The following ITGA1 variants were observed in gnomAD, a reference collection of about 807,000 sequenced individuals.
The protein encoded by ITGA1 is integrin alpha-1.
Under a neutral mutation model 145.9 loss-of-function variants are expected in ITGA1, and 85 were observed. That is an observed-to-expected ratio of 0.58 (90% CI 0.49 to 0.70). ITGA1 has a LOEUF of 0.70. Ranked by LOEUF, ITGA1 falls within the 30% of genes least tolerant of loss-of-function variation. ITGA1 has a pLI of 0.00. For synonymous variants in ITGA1, 520 were observed against 495.3 expected (o/e 1.05, Z -0.66); for missense variants, 1,351 against 1,418.7 (o/e 0.95, Z 0.77).
At chr5:52,912,913 ATT>A (rs1245196750) in intron 14 of ITGA1, among the ~76,000 whole-genome samples, 1 of 151,636 alleles carries the variant, frequency 6.6e-6, no homozygotes, top group Non-Finnish European at 1.5e-5. Flanking sequence ...CGCCCGGCTA[ATT>A]TTTTGCATTT....
chr5:52,851,631 C>T (rs928289163), intron 2 of ITGA1, among the ~76,000 whole-genome samples: 4 of 152,108 alleles, frequency 2.6e-5, no homozygotes, highest in Admixed American at 6.6e-5. Flanking sequence ...GTTGCAAGAA[C>T]GATGTTGCTA....
intron 1 of ITGA1, among the ~76,000 whole-genome samples, chr5:52,813,582 G>C (rs750511288): frequency 6.6e-6 from 1 of 152,220 alleles, no homozygotes; most frequent in Non-Finnish European, 1.5e-5. Context: ...AGGCAATGCA[G>C]CTGATGGAAT....
intron 6 of ITGA1, among the ~76,000 whole-genome samples, chr5:52,869,322 A>G (rs909339725): frequency 7.9e-5 from 12 of 152,038 alleles, no homozygotes; most frequent in African/African-American, 2.9e-4. Context: ...TACCATGCCC[A>G]ACTAATTTTT....
chr5:52,825,921 A>G (rs1021087137), intron 1 of ITGA1, among the ~76,000 whole-genome samples: 2 of 34,832 alleles, frequency 5.7e-5, no homozygotes, highest in Non-Finnish European at 1.3e-4. Context: ...CTGTCAAAGA[A>G]AAAAAAAAAA....
rs553166896 is a variant in ITGA1 at position 52,952,115 on chromosome 5, G to A, written c.3496-292G>A. 5.3e-5 allele frequency among the ~76,000 whole-genome samples: 8 copies of A among 151,804 alleles called. No individual in the cohort carries two copies. In the South Asian group the frequency reaches 6.2e-4, roughly 12 times the overall value. ...TGAGGCAGGAGAATCACTTGAACCC[G>A]GGTGGCGGAGGTTGCAGTGAGCGGA... On this transcript the variant is annotated intron_variant, in intron 28 of 28. Transcript: ENST00000282588.
intron 14 of ITGA1, among the ~76,000 whole-genome samples, chr5:52,914,788 G>A (rs576066013): frequency 7.9e-5 from 12 of 152,246 alleles, no homozygotes; most frequent in African/African-American, 2.9e-4. Flanking sequence ...TCTGTTAAAA[G>A]CATTAGCTTA....
rs146515244 is a variant in ITGA1, at chr5:52,812,268, G to A, written c.61+23854G>A. ...AATTAGTACCAAAACCGATCAATTT[G>A]TGAATATTTATTGATGCCATTTACA... On this transcript the variant is annotated intron_variant, in intron 1 of 28. Coordinates refer to ENST00000282588, the MANE Select transcript of ITGA1 (RefSeq NM_181501.2). Among the ~76,000 whole-genome samples the A allele has an allele frequency of 4.0e-4, 61 of 152,224 alleles. 2 individuals carry two copies. The East Asian group carries it at 8.7e-3, about 22-fold the overall frequency.
At chr5:52,927,725 C>A in intron 20 of ITGA1, 61 bp downstream of exon 20, 1 of 1,066,696 alleles carries the variant, frequency 9.4e-7, no homozygotes, top group Non-Finnish European at 1.4e-6. Flanking sequence ...TGTGCAAAGA[C>A]AAATATATAA....
At chr5:52,886,937 C>G (rs1378990328) in intron 7 of ITGA1, among the ~76,000 whole-genome samples, 1 of 152,144 alleles carries the variant, frequency 6.6e-6, no homozygotes, top group Non-Finnish European at 1.5e-5. Context: ...CGCCACCGCA[C>G]CCGGCTAATT....
intron 1 of ITGA1, among the ~76,000 whole-genome samples, chr5:52,841,142 T>A (rs1416698294): frequency 6.6e-6 from 1 of 152,256 alleles, no homozygotes; most frequent in African/African-American, 2.4e-5. Flanking sequence ...GAGGTAGGTA[T>A]CTTGCTGACA....
intron 1 of ITGA1, among the ~76,000 whole-genome samples, chr5:52,820,710 C>CT (rs1481179344): frequency 1.3e-5 from 2 of 152,060 alleles, no homozygotes; most frequent in Admixed American, 1.3e-4. Flanking sequence ...TTGGTGAGCC[C>CT]TAACTGCCGC....
At chr5:52,889,689 C>T (rs1232703648) in intron 8 of ITGA1, 3 of 152,320 alleles carry the variant, frequency 2.0e-5, no homozygotes, top group African/African-American at 7.2e-5. Flanking sequence ...ACTATCCTCC[C>T]AGGCCACAGT....
intron 1 of ITGA1, among the ~76,000 whole-genome samples, chr5:52,830,076 G>A (rs1285534950): frequency 6.6e-6 from 1 of 152,088 alleles, no homozygotes; most frequent in African/African-American, 2.4e-5. Context: ...TGATTCAATA[G>A]ATTAAAAGTT....
At chr5:52,855,542 A>G (rs992043243) in intron 2 of ITGA1, among the ~76,000 whole-genome samples, 1 of 152,158 alleles carries the variant, frequency 6.6e-6, no homozygotes. Flanking sequence ...AGAAAAACCA[A>G]TCCCTACTAT....
chr5:52,948,753 A>T (rs1751171532), intron 28 of ITGA1: 1 of 152,172 alleles, frequency 6.6e-6, no homozygotes, highest in Non-Finnish European at 1.5e-5. Flanking sequence ...CTTCATTTCT[A>T]TGCACCTCTA....
At position 52,915,557 on chromosome 5, in the gene ITGA1, G is replaced by C. The variant is rs754829146; in HGVS notation, c.1951G>C (p.Val651Leu). ...MDLNGDGLTD[V>L]TIGGLGGAAL... ...TTTAAATGGTGACGGTCTGACAGAT[G>C]TGACTATTGGGGGCCTTGGTGGTGC... The change falls in exon 15 of 29, where the codon GTG becomes CTG. Residue 651 changes from valine (V) to leucine (L), a missense_variant. Val to Leu is a conservative substitution (Grantham distance 32, BLOSUM62 1). Coordinates refer to ENST00000282588, the MANE Select transcript of ITGA1 (RefSeq NM_181501.2). The C allele has an allele frequency of 3.7e-6, 6 of 1,614,072 alleles. No individual in the cohort carries two copies. Among genetic ancestry groups the C allele is most frequent in the East Asian group, 2.2e-5 (1 of 44,850 alleles).
chr5:52,902,567 CCT>C (rs951188744), intron 11 of ITGA1: 2 of 146,702 alleles, frequency 1.4e-5, no homozygotes, highest in Non-Finnish European at 3.1e-5. Flanking sequence ...GCCTTTTTTT[CCT>C]CTTTTTTTTT....
chr5:52,842,442 T>G (rs1749268697), intron 1 of ITGA1, among the ~76,000 whole-genome samples: 1 of 152,178 alleles, frequency 6.6e-6, no homozygotes, highest in South Asian at 2.1e-4. Flanking sequence ...CAAGATACAG[T>G]CATCAAAATT....
intron 14 of ITGA1, among the ~76,000 whole-genome samples, chr5:52,911,917 TA>T (rs1198048529): frequency 1.1e-3 from 115 of 100,950 alleles, no homozygotes; most frequent in Admixed American, 2.1e-3. Flanking sequence ...ATATATATAT[TA>T]TATATATAGT....
Sources: allele counts gnomAD v4.1 joint callset (sites outside exome capture counted in the v4.1 genomes callset), GRCh38; gene constraint gnomAD v4.1.1; transcripts MANE v1.5; gene names NCBI Gene and HGNC (gene_info 2026-07-23, HGNC 2026-07-21).